STARD13: variants seen among roughly 807,000 people sequenced by gnomAD.
STARD13 encodes the protein stAR-related lipid transfer protein 13.
In STARD13, 62 loss-of-function variants were observed where a neutral mutation model predicts 106.4. That is an observed-to-expected ratio of 0.58 (90% CI 0.48 to 0.72). The LOEUF (loss-of-function observed/expected upper bound fraction) is 0.72. Ranked by LOEUF, STARD13 falls within the 30% of genes least tolerant of loss-of-function variation. STARD13 has a pLI of 0.00. For missense variants in STARD13, 1,387 were observed against 1,424.0 expected, an observed-to-expected ratio of 0.97 and a Z score of 0.42; for synonymous variants, 565 against 553.0, an observed-to-expected ratio of 1.02 and a Z score of -0.31.
chr13:33,250,037 C>T (rs9536877), intron 1 of STARD13, among the ~76,000 whole-genome samples: 60,515 of 151,740 alleles, frequency 0.4, 12,330 homozygotes, highest in Admixed American at 0.46. Context: ...GTGATCCCCC[C>T]GTCTCAGCCT....
chr13:33,415,079 A>G, the STARD13 span, among the ~76,000 whole-genome samples: 122 of 152,336 alleles, frequency 8.0e-4, no homozygotes, highest in African/African-American at 2.6e-3. Context: ...GAATAAAAAC[A>G]TACCTGTCGC....
At chr13:33,662,868 C>T in the STARD13 span, among the ~76,000 whole-genome samples, 3 of 152,170 alleles carry the variant, frequency 2.0e-5, no homozygotes, top group Non-Finnish European at 2.9e-5. Context: ...AATGAATACG[C>T]TCTCCCTAAA....
chr13:33,489,865 C>T, the STARD13 span, among the ~76,000 whole-genome samples: 1 of 152,088 alleles, frequency 6.6e-6, no homozygotes, highest in Non-Finnish European at 1.5e-5. Context: ...AGAAATGTAA[C>T]CCATTGTATT....
intron 3 of STARD13, among the ~76,000 whole-genome samples, chr13:33,159,909 C>A (rs565299187): frequency 6.6e-6 from 1 of 152,246 alleles, no homozygotes; most frequent in Admixed American, 6.5e-5. Context: ...CAATTCTGAA[C>A]AAACTGATAC....
chr13:33,259,705 C>A (rs1346191236), intron 1 of STARD13, among the ~76,000 whole-genome samples: 1 of 152,140 alleles, frequency 6.6e-6, no homozygotes, highest in Non-Finnish European at 1.5e-5. Flanking sequence ...AAATCATTAC[C>A]AATATTCCAA....
chr13:33,417,483 G>A, the STARD13 span, among the ~76,000 whole-genome samples: 3 of 152,156 alleles, frequency 2.0e-5, no homozygotes, highest in Non-Finnish European at 4.4e-5. Flanking sequence ...GTTCATAGCG[G>A]CATTATTCAC....
At chr13:33,178,353 T>C (rs576251132) in intron 1 of STARD13, among the ~76,000 whole-genome samples, 11 of 152,296 alleles carry the variant, frequency 7.2e-5, no homozygotes, top group Admixed American at 6.5e-4. Context: ...GGGTTAAAAA[T>C]AATAAATCCA....
At chr13:33,337,319 G>A (rs2077907909) in intron 1 of STARD13, among the ~76,000 whole-genome samples, 2 of 149,004 alleles carry the variant, frequency 1.3e-5, no homozygotes, top group African/African-American at 2.4e-5. Flanking sequence ...AATCTATTAT[G>A]AGCATTGTAA....
At chr13:33,185,994 G>A (rs1046276946) in intron 1 of STARD13, 1 of 1,614,222 alleles carries the variant, frequency 6.2e-7, no homozygotes, top group African/African-American at 1.3e-5. Context: ...GTTAACGTTT[G>A]CATGGAGAAC....
chr13:33,267,111 A>G (rs559978411), intron 1 of STARD13, among the ~76,000 whole-genome samples: 3 of 152,366 alleles, frequency 2.0e-5, no homozygotes, highest in Non-Finnish European at 2.9e-5. Context: ...CAGCAGTGTC[A>G]GCACACAGCT....
chr13:33,184,686 CATT>C (rs1885573781), intron 1 of STARD13, among the ~76,000 whole-genome samples: 1 of 152,194 alleles, frequency 6.6e-6, no homozygotes, highest in Admixed American at 6.5e-5. Flanking sequence ...CAAGGAAGAG[CATT>C]TAGTTTACTG....
intron 1 of STARD13, among the ~76,000 whole-genome samples, chr13:33,243,512 A>G (rs1387232084): frequency 6.6e-6 from 1 of 152,124 alleles, no homozygotes; most frequent in Non-Finnish European, 1.5e-5. Context: ...TTTTAATCCT[A>G]TGGGTCATAG....
the STARD13 span, among the ~76,000 whole-genome samples, chr13:33,418,221 G>A: frequency 1.3e-5 from 2 of 152,198 alleles, no homozygotes; most frequent in Non-Finnish European, 2.9e-5. Context: ...TGGAAAAATA[G>A]GACACTTTTG....
At chr13:33,149,415 T>G (rs1192757019) in intron 3 of STARD13, among the ~76,000 whole-genome samples, 1 of 152,242 alleles carries the variant, frequency 6.6e-6, no homozygotes, top group Admixed American at 6.5e-5. Context: ...TTTATTCATT[T>G]AAAACAATTT....
chr13:33,372,733 G>A, the STARD13 span, among the ~76,000 whole-genome samples: 5 of 151,362 alleles, frequency 3.3e-5, no homozygotes, highest in Non-Finnish European at 7.4e-5. Flanking sequence ...AAATCACAAA[G>A]CAAAAAGGCC....
At chr13:33,443,098 G>A in the STARD13 span, among the ~76,000 whole-genome samples, 13 of 152,190 alleles carry the variant, frequency 8.5e-5, no homozygotes, top group East Asian at 2.5e-3. Flanking sequence ...GTTAGGATGG[G>A]CTGGGCGCAG....
At chr13:33,322,141 T>C (rs889588522) in intron 1 of STARD13, among the ~76,000 whole-genome samples, 2 of 152,242 alleles carry the variant, frequency 1.3e-5, no homozygotes, top group African/African-American at 4.8e-5. Flanking sequence ...ATAGCTCATT[T>C]CCAAATCGAT....
intron 11 of STARD13, among the ~76,000 whole-genome samples, chr13:33,110,410 G>A (rs1356029948): frequency 2.0e-5 from 3 of 152,162 alleles, no homozygotes; most frequent in Admixed American, 1.3e-4. Flanking sequence ...TTTGCAAATG[G>A]GAAAACTGAG....
rs1276692640 is a variant in STARD13 at position 33,105,699 on chromosome 13, G to A, written c.3236C>T (p.Pro1079Leu). 4.3e-6 allele frequency: 7 copies of A among 1,613,554 alleles called. No homozygotes were observed. Among genetic ancestry groups the A allele is most frequent in the Non-Finnish European group, 5.1e-6 (6 of 1,179,444 alleles). ...ICRIDLKGHS[P>L]EWYSKGFGHL... Reference sequence around the variant, plus strand: ...TCCAAAGCCTTTGCTGTACCATTCTGGGGAGTGACCTCTGTGGGGAAAGAA... The same window carrying A: ...TCCAAAGCCTTTGCTGTACCATTCTAGGGAGTGACCTCTGTGGGGAAAGAA... The change falls in exon 14 of 14, where the codon CCA (proline) becomes CTA (leucine). Residue 1079 changes from proline (P) to leucine (L), a missense_variant. Physicochemically the swap from Pro to Leu is moderately conservative, Grantham distance 98. Transcript: ENST00000336934.
Sources: gnomAD v4.1 joint callset for allele counts (sites outside exome capture counted in the v4.1 genomes callset) on GRCh38, gnomAD v4.1.1 for gene constraint, MANE v1.5 for transcripts, NCBI Gene and HGNC (gene_info 2026-07-23, HGNC 2026-07-21) for gene names.